KALRN: variants seen among roughly 807,000 people sequenced by gnomAD.
The protein encoded by KALRN is kalirin RhoGEF kinase, also known as kalirin.
In KALRN, 70 loss-of-function variants were observed where a neutral mutation model predicts 353.7. The observed-to-expected ratio is 0.20, with a 90% confidence interval of 0.16 to 0.24. The LOEUF (loss-of-function observed/expected upper bound fraction) is 0.24. Among genes scored for constraint, KALRN ranks in the 10% least tolerant of loss-of-function variants. KALRN has a pLI of 1.00. For synonymous variants in KALRN, 1,391 were observed against 1,434.8 expected (o/e 0.97, Z 0.69); for missense variants, 2,791 against 3,756.7 (o/e 0.74, Z 6.72).
chr3:124,120,713 T>A (rs1207974200), intron 1 of KALRN, among the ~76,000 whole-genome samples: 16 of 18,156 alleles, frequency 8.8e-4, no homozygotes, highest in Admixed American at 3.0e-3. Context: ...ATACTAAAAA[T>A]ATATATATAT....
intron 34 of KALRN, among the ~76,000 whole-genome samples, chr3:124,563,685 C>A (rs902022085): frequency 6.6e-6 from 1 of 152,200 alleles, no homozygotes; most frequent in Non-Finnish European, 1.5e-5. Context: ...CTTCACATGC[C>A]TGTTTACTCA....
chr3:124,717,220 C>G (rs760267687), intron 58 of KALRN, 27 bp from the exon 59 acceptor site: 1 of 1,566,902 alleles, frequency 6.4e-7, no homozygotes, highest in Non-Finnish European at 8.6e-7. Flanking sequence ...AAACATATTT[C>G]CTTTGCCTTT....
chr3:124,169,130 G>A (rs550375373), intron 1 of KALRN, among the ~76,000 whole-genome samples: 2 of 152,290 alleles, frequency 1.3e-5, no homozygotes, highest in Admixed American at 1.3e-4. Context: ...TACCTTCAGG[G>A]ATGTTCTAGG....
At chr3:124,482,365 G>A (rs1349556966) in intron 27 of KALRN, among the ~76,000 whole-genome samples, 1 of 152,158 alleles carries the variant, frequency 6.6e-6, no homozygotes, top group East Asian at 1.9e-4. Context: ...ACTGAAGGCA[G>A]GGAAACACTC....
At chr3:124,631,519 C>T (rs2080778466) in intron 34 of KALRN, among the ~76,000 whole-genome samples, 1 of 152,126 alleles carries the variant, frequency 6.6e-6, no homozygotes, top group Non-Finnish European at 1.5e-5. Context: ...TTTCATATCC[C>T]ATACACACAT....
chr3:124,601,596 A>G (rs55987743), intron 34 of KALRN, among the ~76,000 whole-genome samples: 23,550 of 152,242 alleles, frequency 0.15, 1,952 homozygotes, highest in Middle Eastern at 0.19. Context: ...CCAGGTCACT[A>G]TTAAGGACCT....
intron 33 of KALRN, chr3:124,519,674 C>G (rs2067000461): frequency 1.0e-6 from 1 of 985,246 alleles, no homozygotes; most frequent in Non-Finnish European, 1.2e-6. Context: ...ATCGTGCTCT[C>G]AATGCAAAGT....
chr3:124,605,702 G>T (rs2077275212), intron 34 of KALRN, among the ~76,000 whole-genome samples: 1 of 152,092 alleles, frequency 6.6e-6, no homozygotes, highest in Non-Finnish European at 1.5e-5. Flanking sequence ...ACCTGCCTTG[G>T]ATATTGGTTC....
At position 124,433,472 on chromosome 3, in the gene KALRN, C is replaced by T. The variant is rs544862943; in HGVS notation, c.2830-835C>T. Among the ~76,000 whole-genome samples the T allele has an allele frequency of 2.0e-5, 3 of 151,674 alleles. No individual in the cohort carries two copies. In the South Asian group the frequency reaches 6.3e-4, roughly 32 times the overall value. ...GTGTGATGGCACACACCTGTAGTCC[C>T]AGCTATCCATCTACTTTGGAGACTG... is the stretch of plus-strand genomic sequence containing the variant. On this transcript the variant is annotated intron_variant, in intron 16 of 59. Transcript: ENST00000682506.
At chr3:124,525,018 TAGATA>T (rs2067469015) in intron 33 of KALRN, among the ~76,000 whole-genome samples, 1 of 152,168 alleles carries the variant, frequency 6.6e-6, no homozygotes, top group Non-Finnish European at 1.5e-5. Flanking sequence ...GGGTTCAGGG[TAGATA>T]TGCAGCTGGT....
rs1577068640 is a variant in KALRN at position 124,455,136 on chromosome 3, ATAAATG to A, written c.3553-37_3553-32del. ...GGATTTGGGGTGAAGGGGCAGGAGA[ATAAATG>A]TAATCCAGTAACTTAAGGCCATCTT... On this transcript the variant is annotated intron_variant, in intron 21 of 59. Transcript: ENST00000682506. 3 of 1,608,336 alleles carry A rather than the reference ATAAATG, an allele frequency of 1.9e-6. No individual in the cohort carries two copies. In the East Asian group the frequency reaches 6.7e-5, roughly 36 times the overall value.
At chr3:124,561,054 C>T (rs2109831857) in intron 33 of KALRN, among the ~76,000 whole-genome samples, 1 of 152,256 alleles carries the variant, frequency 6.6e-6, no homozygotes, top group Non-Finnish European at 1.5e-5. Flanking sequence ...GCTTGAATTT[C>T]CTGATGTATG....
At chr3:124,564,439 A>C (rs976118058) in intron 34 of KALRN, among the ~76,000 whole-genome samples, 3 of 152,132 alleles carry the variant, frequency 2.0e-5, no homozygotes, top group Non-Finnish European at 4.4e-5. Context: ...CTGTAATCCC[A>C]ACACTTTGGG....
intron 14 of KALRN, among the ~76,000 whole-genome samples, chr3:124,416,973 G>A (rs185149873): frequency 4.6e-5 from 7 of 152,334 alleles, no homozygotes. Context: ...TTTCAAGTGT[G>A]AAGTTTATAA....
At chr3:124,640,286 CTTT>C (rs71777187) in intron 37 of KALRN, among the ~76,000 whole-genome samples, 37 of 127,444 alleles carry the variant, frequency 2.9e-4, no homozygotes, top group African/African-American at 2.6e-4. Context: ...TTCTTTCTTT[CTTT>C]TTTTTTTTTT....
At chr3:124,439,198 TCTCACACACACACACACACA>T (rs1273460045) in intron 18 of KALRN, among the ~76,000 whole-genome samples, 161 bp downstream of exon 18, 2 of 125,456 alleles carry the variant, frequency 1.6e-5, no homozygotes, top group Non-Finnish European at 3.3e-5. Context: ...TCTCTCTCTC[TCTCACACACACACACACACA>T]CACACACACA....
At chr3:124,164,047 A>G (rs1269072853) in intron 1 of KALRN, 15 of 894,704 alleles carry the variant, frequency 1.7e-5, no homozygotes, top group Admixed American at 6.2e-5. Context: ...GTACACAGTC[A>G]GTTTTTATAG....
In KALRN at chr3:124,033,946, G is replaced by T. The variant is rs1202484941; in HGVS notation, c.73+133G>T. Among the ~76,000 whole-genome samples, 2 of 152,284 alleles carry T rather than the reference G, an allele frequency of 1.3e-5. No homozygotes were observed. The highest frequency in any genetic ancestry group is 3.9e-4 in the East Asian group (2 of 5,144). On this transcript the variant is annotated intron_variant, in intron 1 of 59. Transcript: ENST00000682506. The surrounding 1 kb of genome is among the most constrained non-coding windows in gnomAD (Gnocchi z 6.2). ...GGGGCAGTGCCCCCTCGGCGTCGGG[G>T]CTGGAGTTGCCGAGATTCTGGTTGT...
At position 124,093,944 on chromosome 3, in the gene KALRN, G is replaced by A. The variant is rs563212326; in HGVS notation, c.73+60131G>A. On this transcript the variant is annotated intron_variant, in intron 1 of 59. Coordinates refer to ENST00000682506, the MANE Select transcript of KALRN (RefSeq NM_001388419.1). ...TCCTGGGGATAGAAAACCGTGGGAT[G>A]TATGAATGTGTGGGGAACTGAGAGT... Among the ~76,000 whole-genome samples the A allele has an allele frequency of 2.0e-5, 3 of 152,240 alleles. No homozygotes were observed. The South Asian group carries it at 6.2e-4, about 32-fold the overall frequency.
Sources: allele counts gnomAD v4.1 joint callset (sites outside exome capture counted in the v4.1 genomes callset), GRCh38; gene constraint gnomAD v4.1.1; non-coding constraint Gnocchi (gnomAD v3.1); transcripts MANE v1.5; gene names NCBI Gene and HGNC (gene_info 2026-07-23, HGNC 2026-07-21).